Variants in LIMD1 observed in about 807,000 individuals in gnomAD.
The protein encoded by LIMD1 is LIM domain containing 1, also known as LIM domain-containing protein 1.
In LIMD1, 23 loss-of-function variants were observed where a neutral mutation model predicts 58.4. The observed-to-expected ratio is 0.39, with a 90% CI of 0.28 to 0.56. The LOEUF is 0.56. LIMD1 is among the 20% of genes least tolerant of loss of function. The pLI, the probability that LIMD1 is intolerant of heterozygous loss-of-function variation, is 0.57. For synonymous variants in LIMD1, 334 were observed against 345.5 expected, an observed-to-expected ratio of 0.97 and a Z score of 0.37; for missense variants, 838 against 855.5, an observed-to-expected ratio of 0.98 and a Z score of 0.25.
At chr3:45,670,264 AC>A (rs1308672999) in intron 4 of LIMD1, among the ~76,000 whole-genome samples, 11 of 152,298 alleles carry the variant, frequency 7.2e-5, no homozygotes, top group African/African-American at 2.6e-4. Flanking sequence ...GTATGATTAT[AC>A]CCTATTCTTA....
intron 1 of LIMD1, among the ~76,000 whole-genome samples, chr3:45,631,000 T>A (rs979114945): frequency 6.6e-6 from 1 of 152,108 alleles, no homozygotes; most frequent in Non-Finnish European, 1.5e-5. Context: ...GGTCAGGAGT[T>A]CCAGACCAGC....
At chr3:45,618,688 G>A (rs901755449) in intron 1 of LIMD1, among the ~76,000 whole-genome samples, 6 of 152,178 alleles carry the variant, frequency 3.9e-5, no homozygotes, top group African/African-American at 9.7e-5. Flanking sequence ...AATCCTCACC[G>A]CTACCCTGTG....
chr3:45,608,571 G>T (rs894625840), intron 1 of LIMD1, among the ~76,000 whole-genome samples: 1 of 152,136 alleles, frequency 6.6e-6, no homozygotes, highest in Non-Finnish European at 1.5e-5. Context: ...CTGGGCACGT[G>T]GCTCACACCT....
chr3:45,666,389 C>T (rs907400939), intron 3 of LIMD1, among the ~76,000 whole-genome samples: 1 of 152,188 alleles, frequency 6.6e-6, no homozygotes, highest in African/African-American at 2.4e-5. Flanking sequence ...CTCCGCACAC[C>T]CGCATCAAGA....
At chr3:45,596,648 G>T (rs1701358781) in intron 1 of LIMD1, among the ~76,000 whole-genome samples, 2 of 152,012 alleles carry the variant, frequency 1.3e-5, no homozygotes, top group African/African-American at 4.8e-5. Context: ...ACTTCAGTGG[G>T]ACCAGCTTTC....
At position 45,680,131 on chromosome 3, in the gene LIMD1, C is replaced by A. The variant is rs1194991368; in HGVS notation, c.*3072C>A. 2 of 152,186 alleles carry A rather than the reference C, an allele frequency of 1.3e-5. No homozygotes were observed. Among genetic ancestry groups the A allele is most frequent in the Non-Finnish European group, 2.9e-5 (2 of 68,056 alleles). The allele number at this position is 152,186 out of a possible 1,614,324, so 9.4% of individuals were successfully genotyped here. On this transcript the variant is annotated 3_prime_UTR_variant, in exon 8 of 8. Coordinates refer to ENST00000273317, the MANE Select transcript of LIMD1 (RefSeq NM_014240.3). The stretch of plus-strand genomic sequence containing the variant: ...CTTAAGAGAATGTTTGGAATTCACA[C>A]CTCTTTGCAGTCCTTTCAAGGCTGC...
chr3:45,658,559 T>C (rs1697379116), intron 2 of LIMD1, among the ~76,000 whole-genome samples: 1 of 128,290 alleles, frequency 7.8e-6, no homozygotes, highest in Admixed American at 7.6e-5. Flanking sequence ...TTTTTTTTTT[T>C]TTTTTTTTGA....
chr3:45,628,401 C>G (rs1321391427), intron 1 of LIMD1, among the ~76,000 whole-genome samples: 1 of 152,214 alleles, frequency 6.6e-6, no homozygotes, highest in African/African-American at 2.4e-5. Context: ...TGAAAAGATG[C>G]TCACACACAA....
Position 45,594,797 on chromosome 3 carries a change from A to ACACACACACACG in LIMD1, c.-72_-71insGCACACACACAC. 7.7e-6 allele frequency: 1 copy of ACACACACACACG among 129,656 alleles called. No individual in the cohort carries two copies. The allele number at this position is 129,656 out of a possible 1,614,324, so 8.0% of individuals were successfully genotyped here. Reference sequence around the variant, plus strand: ...GCCCTCAACACACACACACACACACACACACACACACACACACACACACAC... The same window carrying ACACACACACACG: ...GCCCTCAACACACACACACACACACACACACACACACGCACACACACACACACACACACACAC... On this transcript the variant is annotated 5_prime_UTR_variant, in exon 1 of 8. Coordinates refer to ENST00000273317, the MANE Select transcript of LIMD1 (RefSeq NM_014240.3).
chr3:45,627,616 AC>A (rs1448211196), intron 1 of LIMD1, among the ~76,000 whole-genome samples: 2 of 148,134 alleles, frequency 1.4e-5, no homozygotes, highest in African/African-American at 5.0e-5. Context: ...CATAGCGAGA[AC>A]CCGTCTCTTT....
chr3:45,636,591 T>C (rs1701791547), intron 2 of LIMD1, among the ~76,000 whole-genome samples: 1 of 152,192 alleles, frequency 6.6e-6, no homozygotes, highest in Non-Finnish European at 1.5e-5. Flanking sequence ...CTACCCTGTT[T>C]GTCAGTTCTC....
chr3:45,676,345 T>TA lies in LIMD1; in HGVS notation c.1894-565dup, dbSNP rs751149394. ...ACTCCACAATTTATTTTATTTCTTC[T>TA]AAAAAAAAAAAAGGGATACGTGTGA... On this transcript the variant is annotated intron_variant, in intron 7 of 7. Transcript: ENST00000273317. Among the ~76,000 whole-genome samples, 143 of 142,644 alleles carry TA rather than the reference T, an allele frequency of 1.0e-3. 1 individual carries two copies. Among genetic ancestry groups the TA allele is most frequent in the Admixed American group, 1.5e-3 (21 of 14,288 alleles). The allele number at this position is 142,644 out of a possible 152,430, so 93.6% of individuals were successfully genotyped here. A position where few individuals can be genotyped will look rare whatever the true frequency, so the allele number is the denominator to read the frequency against.
intron 2 of LIMD1, among the ~76,000 whole-genome samples, chr3:45,657,177 C>T (rs1158132325): frequency 1.3e-5 from 2 of 152,160 alleles, no homozygotes; most frequent in East Asian, 1.9e-4. Flanking sequence ...CCTACCTGGC[C>T]TCAGCCTCCT....
chr3:45,650,541 C>T (rs115714014), intron 2 of LIMD1, among the ~76,000 whole-genome samples: 3,425 of 145,714 alleles, frequency 0.024, 71 homozygotes, highest in Non-Finnish European at 0.034. Flanking sequence ...CCTGTGTCCA[C>T]GTGTTCTGAT....
At chr3:45,613,305 T>G (rs1238305175) in intron 1 of LIMD1, among the ~76,000 whole-genome samples, 2 of 152,236 alleles carry the variant, frequency 1.3e-5, no homozygotes, top group African/African-American at 4.8e-5. Flanking sequence ...ATGAAAGTGT[T>G]GTGGTCAGAA....
intron 1 of LIMD1, among the ~76,000 whole-genome samples, chr3:45,621,488 C>G (rs1162347789): frequency 5.9e-5 from 9 of 152,136 alleles, no homozygotes. Context: ...GATCCTCCCA[C>G]CTTGACTTCC....
intron 2 of LIMD1, among the ~76,000 whole-genome samples, chr3:45,659,004 G>C (rs1697389751): frequency 6.6e-6 from 1 of 151,860 alleles, no homozygotes; most frequent in Admixed American, 6.6e-5. Flanking sequence ...TATAACATAA[G>C]GGTTTTCTTT....
At chr3:45,598,420 G>T (rs1701378265) in intron 1 of LIMD1, among the ~76,000 whole-genome samples, 1 of 152,198 alleles carries the variant, frequency 6.6e-6, no homozygotes, top group Non-Finnish European at 1.5e-5. Flanking sequence ...AACACAAACA[G>T]CAGTTTTATC....
At chr3:45,663,068 T>C (rs1374384396) in intron 2 of LIMD1, among the ~76,000 whole-genome samples, 3 of 152,226 alleles carry the variant, frequency 2.0e-5, no homozygotes, top group Non-Finnish European at 2.9e-5. Flanking sequence ...TTGGTATATC[T>C]TCAGGCATTT....
Sources: allele counts gnomAD v4.1 joint callset (sites outside exome capture counted in the v4.1 genomes callset), GRCh38; gene constraint gnomAD v4.1.1; transcripts MANE v1.5; gene names NCBI Gene and HGNC (gene_info 2026-07-23, HGNC 2026-07-21).